IL1RAPL1: variants seen among roughly 807,000 people sequenced by gnomAD.
IL1RAPL1 encodes interleukin-1 receptor accessory protein-like 1.
In IL1RAPL1, 3 loss-of-function variants were observed where a neutral mutation model predicts 48.4. The observed-to-expected ratio is 0.06, with a 90% CI of 0.03 to 0.16. The LOEUF is 0.16. Among genes scored for constraint, IL1RAPL1 ranks in the 10% least tolerant of loss-of-function variants. IL1RAPL1 has a pLI of 1.00. For missense variants in IL1RAPL1, 349 were observed against 530.6 expected (o/e 0.66, Z 3.36); for synonymous variants, 185 against 187.7 (o/e 0.99, Z 0.12).
At position 28,587,688 on chromosome X, in the gene IL1RAPL1, C is replaced by T. The variant is rs945024844; in HGVS notation, c.-384C>T. Reference sequence around the variant, plus strand: ...TTTTTAAGAATTATTCTTATTTTCCCCTCTCTTTTTCTGCTCTCTCCTCTC... The same window carrying T: ...TTTTTAAGAATTATTCTTATTTTCCTCTCTCTTTTTCTGCTCTCTCCTCTC... On this transcript the variant is annotated 5_prime_UTR_variant, in exon 1 of 11. Transcript: ENST00000378993. 4.5e-5 allele frequency: 5 copies of T among 109,988 alleles called. No individual in the cohort carries two copies. The highest frequency in any genetic ancestry group is 3.9e-4 in the Admixed American group (4 of 10,233). The allele number at this position is 109,988 out of a possible 1,213,427, so 9.1% of individuals were successfully genotyped here.
At chrX:28,647,625 C>G (rs937196726) in intron 1 of IL1RAPL1, among the ~76,000 whole-genome samples, 6 of 111,880 alleles carry the variant, frequency 5.4e-5, no homozygotes, top group African/African-American at 2.0e-4. Flanking sequence ...TCTTGTTAGG[C>G]AGGGATTGGT....
intron 2 of IL1RAPL1, among the ~76,000 whole-genome samples, chrX:28,871,043 C>T (rs189225139): frequency 0.012 from 1,341 of 111,489 alleles, 12 homozygotes; most frequent in Non-Finnish European, 0.019. Context: ...TAATTTGTGG[C>T]TTAATTATTA....
At position 29,941,806 on chromosome X, in the gene IL1RAPL1, CCT is replaced by C. The variant is rs1373552036; in HGVS notation, c.1201+15_1201+16del. ...AGAGCTCGATGGAGGTAGGATGTTA[CCT>C]CTTTTATTGTTCTTTCTGAATGTTC... is the stretch of plus-strand genomic sequence containing the variant. On this transcript the variant is annotated intron_variant, in intron 9 of 10. Coordinates refer to ENST00000378993, the MANE Select transcript of IL1RAPL1 (RefSeq NM_014271.4). The C allele has an allele frequency of 2.5e-6, 3 of 1,198,330 alleles. No homozygotes were observed. The highest frequency in any genetic ancestry group is 3.4e-6 in the Non-Finnish European group (3 of 885,372).
chrX:29,517,913 T>C (rs1935463952), intron 5 of IL1RAPL1, among the ~76,000 whole-genome samples: 1 of 112,036 alleles, frequency 8.9e-6, no homozygotes, highest in East Asian at 2.8e-4. Context: ...TCTAGGAAAG[T>C]ATATGCTTAA....
chrX:29,909,732 T>C (rs1932724929), intron 6 of IL1RAPL1, among the ~76,000 whole-genome samples: 1 of 109,725 alleles, frequency 9.1e-6, no homozygotes, highest in Non-Finnish European at 1.9e-5. Context: ...CAGTTTAAAG[T>C]TTCAGTGCTA....
chrX:29,319,153 T>TCTATCTATCTGG (rs756619998), intron 3 of IL1RAPL1, among the ~76,000 whole-genome samples: 121 of 79,443 alleles, frequency 1.5e-3, no homozygotes, highest in African/African-American at 5.5e-3. Flanking sequence ...TATCTGTCTA[T>TCTATCTATCTGG]CTGTCTGTCT....
At chrX:29,150,597 T>C (rs886568626) in intron 2 of IL1RAPL1, among the ~76,000 whole-genome samples, 30 of 110,037 alleles carry the variant, frequency 2.7e-4, no homozygotes, top group African/African-American at 8.9e-4. Flanking sequence ...TTTCAGTAAA[T>C]ACAAGATGGG....
chrX:28,916,270 C>T (rs1157825453), intron 2 of IL1RAPL1, among the ~76,000 whole-genome samples: 1 of 111,113 alleles, frequency 9.0e-6, no homozygotes, highest in African/African-American at 3.3e-5. Flanking sequence ...ACTGTTTCCC[C>T]ATTCTTAGGT....
chrX:29,292,527 A>T (rs1188806771), intron 3 of IL1RAPL1, among the ~76,000 whole-genome samples: 1 of 112,255 alleles, frequency 8.9e-6, no homozygotes, highest in East Asian at 2.8e-4. Flanking sequence ...TAAGTTATTT[A>T]AAAAATCAAG....
At chrX:29,391,126 A>G (rs1422084604) in intron 3 of IL1RAPL1, among the ~76,000 whole-genome samples, 2 of 108,914 alleles carry the variant, frequency 1.8e-5, no homozygotes, top group African/African-American at 6.7e-5. Flanking sequence ...GTGAGCTGAG[A>G]TTGCACCATT....
At chrX:28,794,446 G>A (rs1360062368) in intron 2 of IL1RAPL1, among the ~76,000 whole-genome samples, 5 of 111,915 alleles carry the variant, frequency 4.5e-5, no homozygotes, top group Admixed American at 2.8e-4. Context: ...AAATAAGCAA[G>A]TGACTTCAGT....
At chrX:29,216,107 T>C (rs2147545778) in intron 2 of IL1RAPL1, among the ~76,000 whole-genome samples, 1 of 112,298 alleles carries the variant, frequency 8.9e-6, no homozygotes, top group East Asian at 2.8e-4. Flanking sequence ...CTTTCAAGCA[T>C]GTTTTGTTAG....
At chrX:29,300,378 C>T (rs767722529) in intron 3 of IL1RAPL1, among the ~76,000 whole-genome samples, 2 of 111,936 alleles carry the variant, frequency 1.8e-5, no homozygotes, top group African/African-American at 6.5e-5. Flanking sequence ...TATATATCTC[C>T]TCCCAAAACA....
At chrX:29,875,348 T>C (rs1401959761) in intron 6 of IL1RAPL1, among the ~76,000 whole-genome samples, 1 of 112,093 alleles carries the variant, frequency 8.9e-6, no homozygotes, top group African/African-American at 3.2e-5. Context: ...AGCTTCTCAC[T>C]GCACATTGGA....
rs1931232336 is a variant in IL1RAPL1, at chrX:29,233,225, A to T, written c.83-49713A>T. On this transcript the variant is annotated intron_variant, in intron 2 of 10. Transcript: ENST00000378993. ...AAGCTCCTAGAAATCTCATCTATTTATACCTGACTCTGCTATTCAAGTAAC... is the reference window on the plus strand; with the variant it reads ...AAGCTCCTAGAAATCTCATCTATTTTTACCTGACTCTGCTATTCAAGTAAC... 2.7e-5 allele frequency among the ~76,000 whole-genome samples: 3 copies of T among 111,473 alleles called. No individual in the cohort carries two copies. In the Admixed American group the frequency reaches 2.9e-4, roughly 11 times the overall value.
At position 28,725,923 on chromosome X, in the gene IL1RAPL1, C is replaced by A. The variant is rs188036192; in HGVS notation, c.-24-63397C>A. ...GTTGTATTTAGAAAAGCATCATGTACTTAAATGGAAGAAAAAAAGTGAGGG... is the reference window on the plus strand; with the variant it reads ...GTTGTATTTAGAAAAGCATCATGTAATTAAATGGAAGAAAAAAAGTGAGGG... On this transcript the variant is annotated intron_variant, in intron 1 of 10. Coordinates refer to ENST00000378993, the MANE Select transcript of IL1RAPL1 (RefSeq NM_014271.4). Among the ~76,000 whole-genome samples, 42 of 111,903 alleles carry A rather than the reference C, an allele frequency of 3.8e-4. No homozygotes were observed. In the East Asian group the frequency reaches 0.011, roughly 30 times the overall value.
chrX:29,029,054 C>A (rs1008311684), intron 2 of IL1RAPL1, among the ~76,000 whole-genome samples: 1 of 111,477 alleles, frequency 9.0e-6, no homozygotes, highest in Non-Finnish European at 1.9e-5. Flanking sequence ...AGCAAGGCAC[C>A]TTCTTCACAA....
chrX:29,942,488 T>C (rs753491584), intron 9 of IL1RAPL1, among the ~76,000 whole-genome samples: 4 of 110,972 alleles, frequency 3.6e-5, no homozygotes, highest in Non-Finnish European at 7.5e-5. Flanking sequence ...AAAATTCAGC[T>C]CCCTAAACTG....
chrX:29,532,609 A>G (rs1314873951), intron 5 of IL1RAPL1, among the ~76,000 whole-genome samples: 3 of 111,555 alleles, frequency 2.7e-5, no homozygotes, highest in African/African-American at 9.8e-5. Context: ...TGAAATGAAT[A>G]AAAATTTCTT....
Sources: gnomAD v4.1 joint callset for allele counts (sites outside exome capture counted in the v4.1 genomes callset) on GRCh38, gnomAD v4.1.1 for gene constraint, MANE v1.5 for transcripts, NCBI Gene and HGNC (gene_info 2026-07-23, HGNC 2026-07-21) for gene names.